DLG2: variants seen among roughly 807,000 people sequenced by gnomAD.
The protein encoded by DLG2 is discs large MAGUK scaffold protein 2.
Under a neutral mutation model 132.5 loss-of-function variants are expected in DLG2, and 45 were observed. That is an observed-to-expected ratio of 0.34 (90% confidence interval 0.27 to 0.44). The LOEUF (loss-of-function observed/expected upper bound fraction) is 0.44, where lower values mean the gene tolerates loss of function less well. Among genes scored for constraint, DLG2 ranks in the 20% least tolerant of loss-of-function variants. The pLI, the probability that DLG2 is intolerant of heterozygous loss-of-function variation, is 1.00. For missense variants in DLG2, 1,045 were observed against 1,196.9 expected (o/e 0.87, Z 1.87); for synonymous variants, 424 against 419.6 (o/e 1.01, Z -0.13).
chr11:84,564,733 T>C (rs1009020202), intron 6 of DLG2, among the ~76,000 whole-genome samples: 6 of 152,178 alleles, frequency 3.9e-5, no homozygotes, highest in Non-Finnish European at 7.4e-5. Flanking sequence ...AGGTGTCTCC[T>C]AAGAGTATGA....
At chr11:83,591,808 A>G (rs1243494969) in intron 19 of DLG2, among the ~76,000 whole-genome samples, 2 of 152,082 alleles carry the variant, frequency 1.3e-5, no homozygotes, top group African/African-American at 4.8e-5. Context: ...AGGATACAAA[A>G]TCAATGTACA....
intron 6 of DLG2, among the ~76,000 whole-genome samples, chr11:84,958,547 T>A (rs1038366593): frequency 3.3e-5 from 5 of 152,206 alleles, no homozygotes; most frequent in Non-Finnish European, 7.4e-5. Flanking sequence ...TAAGCTGTGA[T>A]CTTTCAATCA....
intron 6 of DLG2, among the ~76,000 whole-genome samples, chr11:84,751,900 T>C (rs2066160820): frequency 6.6e-6 from 1 of 152,164 alleles, no homozygotes; most frequent in Admixed American, 6.6e-5. Flanking sequence ...GAGTGGTAGG[T>C]TACAAGCATA....
chr11:84,752,345 A>G (rs371118261), intron 6 of DLG2, among the ~76,000 whole-genome samples: 5 of 152,344 alleles, frequency 3.3e-5, no homozygotes, highest in East Asian at 1.9e-4. Flanking sequence ...AGAAACAGCC[A>G]AACTATGAAG....
intron 6 of DLG2, among the ~76,000 whole-genome samples, chr11:84,883,997 G>T (rs1225717367): frequency 6.6e-6 from 1 of 152,020 alleles, no homozygotes; most frequent in Non-Finnish European, 1.5e-5. Context: ...GTACCTTTAA[G>T]TCCAAAGAGA....
At chr11:85,457,471 C>T (rs953832995) in intron 3 of DLG2, among the ~76,000 whole-genome samples, 1 of 152,128 alleles carries the variant, frequency 6.6e-6, no homozygotes, top group African/African-American at 2.4e-5. Flanking sequence ...CCAATTTGAT[C>T]CTGTCATCAT....
chr11:84,240,522 T>C (rs142737772), intron 8 of DLG2, among the ~76,000 whole-genome samples: 362 of 152,292 alleles, frequency 2.4e-3, no homozygotes, highest in African/African-American at 8.3e-3. Context: ...CTCCATTCTC[T>C]TTCTACTAAA....
chr11:84,125,067 C>T (rs1373739619), intron 9 of DLG2, among the ~76,000 whole-genome samples: 1 of 151,996 alleles, frequency 6.6e-6, no homozygotes, highest in Non-Finnish European at 1.5e-5. Flanking sequence ...TCAGGCTGAT[C>T]TTGAACTCAC....
intron 14 of DLG2, among the ~76,000 whole-genome samples, chr11:83,959,605 A>G (rs538057153): frequency 6.6e-6 from 1 of 151,076 alleles, no homozygotes; most frequent in East Asian, 1.9e-4. Context: ...TCACAATTCC[A>G]TGAAGAAATT....
intron 9 of DLG2, among the ~76,000 whole-genome samples, chr11:84,127,544 G>A (rs750604942): frequency 7.2e-5 from 11 of 152,042 alleles, no homozygotes; most frequent in Non-Finnish European, 1.5e-4. Context: ...GTGATTTGTC[G>A]GTAATCTTTG....
Position 85,180,540 on chromosome 11 carries a change from G to A in DLG2, c.187-25889C>T, listed in dbSNP as rs540874200. On this transcript the variant is annotated intron_variant, in intron 4 of 27. Transcript: ENST00000376104. Reference sequence around the variant, plus strand: ...ATACTTAATAAAAAGATTCAGCAACGAGAAAATCCTAACAAGCTGCCCTTT... The same window carrying A: ...ATACTTAATAAAAAGATTCAGCAACAAGAAAATCCTAACAAGCTGCCCTTT... 7.2e-5 allele frequency among the ~76,000 whole-genome samples: 11 copies of A among 151,950 alleles called. No individual in the cohort carries two copies. The South Asian group carries it at 2.1e-3, about 29-fold the overall frequency.
chr11:83,603,430 T>C (rs910209141), intron 19 of DLG2, among the ~76,000 whole-genome samples: 1 of 152,200 alleles, frequency 6.6e-6, no homozygotes, highest in Admixed American at 6.5e-5. Flanking sequence ...TCTTACATTG[T>C]TATCTTTAGA....
chr11:84,998,343 G>A (rs187263562), intron 6 of DLG2, among the ~76,000 whole-genome samples: 17 of 152,040 alleles, frequency 1.1e-4, no homozygotes, highest in East Asian at 5.8e-4. Flanking sequence ...ATAAGCATCC[G>A]ACATTTCCCA....
chr11:85,472,325 C>A (rs537108415), intron 3 of DLG2, among the ~76,000 whole-genome samples: 1 of 152,220 alleles, frequency 6.6e-6, no homozygotes, highest in Middle Eastern at 3.4e-3. Context: ...GTTTTTGAGA[C>A]AGAGTCTCAC....
At chr11:85,164,646 A>T (rs1000496723) in intron 4 of DLG2, among the ~76,000 whole-genome samples, 2 of 152,202 alleles carry the variant, frequency 1.3e-5, no homozygotes, top group African/African-American at 4.8e-5. Flanking sequence ...GTTGAAAGAC[A>T]TAATAGAAGT....
At chr11:85,490,031 C>A (rs1477792425) in intron 3 of DLG2, among the ~76,000 whole-genome samples, 1 of 151,868 alleles carries the variant, frequency 6.6e-6, no homozygotes, top group Non-Finnish European at 1.5e-5. Context: ...TCTACAAAAA[C>A]TTAAAAATTA....
intron 8 of DLG2, among the ~76,000 whole-genome samples, chr11:84,239,367 G>T (rs2154341817): frequency 6.6e-6 from 1 of 152,086 alleles, no homozygotes; most frequent in East Asian, 1.9e-4. Flanking sequence ...TTTTACCAGA[G>T]ACAGGGTTTC....
chr11:84,534,449 A>T, intron 7 of DLG2, 121 bp downstream of exon 7: 1 of 977,528 alleles, frequency 1.0e-6, no homozygotes. Context: ...CCCTTTGGCA[A>T]CCCGTGTCCT....
At chr11:85,189,624 AGGAAAGAG>A (rs2080383018) in intron 4 of DLG2, among the ~76,000 whole-genome samples, 1 of 152,224 alleles carries the variant, frequency 6.6e-6, no homozygotes, top group South Asian at 2.1e-4. Flanking sequence ...AGTTAGCAAA[AGGAAAGAG>A]GGTTTGAGGA....
Sources: gnomAD v4.1 joint callset for allele counts (sites outside exome capture counted in the v4.1 genomes callset) on GRCh38, gnomAD v4.1.1 for gene constraint, MANE v1.5 for transcripts, NCBI Gene and HGNC (gene_info 2026-07-23, HGNC 2026-07-21) for gene names.